The following ICA1L variants were observed in gnomAD, a reference collection of about 807,000 sequenced individuals.
ICA1L encodes the protein islet cell autoantigen 1 like, also known as islet cell autoantigen 1-like protein.
ICA1L carries 50 observed loss-of-function variants against 61.3 expected under a neutral mutation model. The ratio of observed to expected loss-of-function variants is 0.82; its 90% CI spans 0.65 to 1.03. The LOEUF is 1.03. ICA1L is among the 50% of genes least tolerant of loss of function. The pLI is 0.00. For synonymous variants in ICA1L, 161 were observed against 191.3 expected (o/e 0.84, Z 1.31); for missense variants, 508 against 556.7 (o/e 0.91, Z 0.88).
At chr2:202,782,394 GTTGT>G (rs1396404616) in intron 12 of ICA1L, among the ~76,000 whole-genome samples, 99 of 151,152 alleles carry the variant, frequency 6.5e-4, no homozygotes, top group African/African-American at 2.2e-3. Context: ...TTTTTTTGTT[GTTGT>G]TTGTTTTGTT....
intron 4 of ICA1L, 114 bp from the exon 5 acceptor site, chr2:202,820,013 AATT>A: frequency 1.3e-6 from 1 of 763,954 alleles, no homozygotes; most frequent in Non-Finnish European, 2.1e-6. Context: ...ACAAGTAAAA[AATT>A]ATTCAGTTCC....
At chr2:202,792,926 G>T (rs1482595908) in intron 10 of ICA1L, among the ~76,000 whole-genome samples, 1 of 152,168 alleles carries the variant, frequency 6.6e-6, no homozygotes, top group Non-Finnish European at 1.5e-5. Context: ...TCATTTATAT[G>T]GAATGTCCAG....
intron 1 of ICA1L, among the ~76,000 whole-genome samples, chr2:202,867,887 C>G (rs1000655777): frequency 1.4e-4 from 21 of 152,222 alleles, no homozygotes; most frequent in Admixed American, 6.5e-4. Context: ...AAAATATGCC[C>G]AAAGACCTGT....
chr2:202,777,080 T>G lies in ICA1L; in HGVS notation c.*2453A>C, dbSNP rs1298758552. On this transcript the variant is annotated 3_prime_UTR_variant, in exon 13 of 13. Coordinates refer to ENST00000358299, the MANE Select transcript of ICA1L (RefSeq NM_001288622.3). ...TTTTTTTTTTTTTTTTTTGAGAGAG[T>G]CGCTCTCTGTTGCCCAGGCTGGAGT... 2 of 114,670 alleles carry G rather than the reference T, an allele frequency of 1.7e-5. No homozygotes were observed. The highest frequency in any genetic ancestry group is 3.3e-5 in the Non-Finnish European group (2 of 60,316). The allele number at this position is 114,670 out of a possible 1,614,324, so 7.1% of individuals were successfully genotyped here.
chr2:202,837,458 T>C (rs1694186315), intron 1 of ICA1L, among the ~76,000 whole-genome samples: 1 of 151,480 alleles, frequency 6.6e-6, no homozygotes, highest in Admixed American at 6.6e-5. Context: ...TAATTTTTTG[T>C]ATTTTTAGTA....
chr2:202,841,304 C>G (rs1329035742), intron 1 of ICA1L: 2 of 753,476 alleles, frequency 2.7e-6, no homozygotes, highest in Non-Finnish European at 4.9e-6. Flanking sequence ...CCTCCAGCTT[C>G]AGCCTTTCCA....
chr2:202,825,876 A>T, intron 2 of ICA1L, 109 bp from the exon 3 acceptor site: 3 of 594,116 alleles, frequency 5.0e-6, no homozygotes, highest in Non-Finnish European at 7.8e-6. Flanking sequence ...CTGTTTTAAA[A>T]ACATTATGTC....
At chr2:202,798,693 TCTG>T (rs1356240615) in intron 9 of ICA1L, among the ~76,000 whole-genome samples, 1 of 64,968 alleles carries the variant, frequency 1.5e-5, no homozygotes, top group South Asian at 6.1e-4. Flanking sequence ...ATAACCGTAC[TCTG>T]CTATCAAACT....
chr2:202,810,782 C>G lies in ICA1L; in HGVS notation c.910+964G>C, dbSNP rs538537868. On this transcript the variant is annotated intron_variant, in intron 9 of 12. Coordinates refer to ENST00000358299, the MANE Select transcript of ICA1L (RefSeq NM_001288622.3). ...ACATCCCTGAGAAAGAGAATGTGTC[C>G]TTGAGGGTGGCCTCTAAAATGGCTG... Among the ~76,000 whole-genome samples, 12 of 152,280 alleles carry G rather than the reference C, an allele frequency of 7.9e-5. No individual in the cohort carries two copies. The South Asian group carries it at 1.2e-3, about 16-fold the overall frequency.
At chr2:202,827,307 C>T (rs1055944460) in intron 2 of ICA1L, among the ~76,000 whole-genome samples, 1 of 151,834 alleles carries the variant, frequency 6.6e-6, no homozygotes, top group Non-Finnish European at 1.5e-5. Flanking sequence ...GCAGGAGAAT[C>T]GCTTGAACCC....
chr2:202,871,279 C>T (rs564007962), intron 1 of ICA1L: 418 of 152,382 alleles, frequency 2.7e-3, no homozygotes, highest in Non-Finnish European at 4.4e-3. Flanking sequence ...CCCAGGCTGC[C>T]GCGCTCCTTC....
At chr2:202,790,257 A>G (rs987606598) in intron 10 of ICA1L, among the ~76,000 whole-genome samples, 2 of 152,230 alleles carry the variant, frequency 1.3e-5, no homozygotes, top group Non-Finnish European at 1.5e-5. Context: ...TTATCAATAA[A>G]AATGAAAGGG....
chr2:202,825,482 T>A (rs1574357206), intron 3 of ICA1L: 5 of 1,274,618 alleles, frequency 3.9e-6, no homozygotes, highest in South Asian at 4.0e-5. Flanking sequence ...AGAAAAAAAA[T>A]ATCAGCAAAA....
At chr2:202,841,113 A>T (rs1694317916) in intron 1 of ICA1L, 11 of 638,164 alleles carry the variant, frequency 1.7e-5, no homozygotes, top group Non-Finnish European at 2.9e-6. Context: ...CTGCCCGAGG[A>T]GGTTGATCTC....
chr2:202,825,449 GACA>G (rs1303616106), intron 3 of ICA1L: 1 of 1,005,962 alleles, frequency 9.9e-7, no homozygotes, highest in Non-Finnish European at 1.3e-6. Flanking sequence ...CAACCTGAGT[GACA>G]GAGAAAGACC....
chr2:202,856,479 C>G (rs1318434028), intron 1 of ICA1L, among the ~76,000 whole-genome samples: 2 of 152,122 alleles, frequency 1.3e-5, no homozygotes, highest in Non-Finnish European at 2.9e-5. Context: ...TGGAACATAT[C>G]TCAAAATAAT....
chr2:202,867,097 A>C (rs967515216), intron 1 of ICA1L, among the ~76,000 whole-genome samples: 5 of 152,212 alleles, frequency 3.3e-5, no homozygotes, highest in Admixed American at 6.5e-5. Context: ...GAAAAACACA[A>C]TTCAGAAAAT....
At chr2:202,801,903 C>CA (rs1693094556) in intron 9 of ICA1L, among the ~76,000 whole-genome samples, 1 of 152,106 alleles carries the variant, frequency 6.6e-6, no homozygotes, top group South Asian at 2.1e-4. Flanking sequence ...TTTTCTTTTG[C>CA]AAAAAATTAT....
At chr2:202,837,043 T>C (rs1379618446) in intron 1 of ICA1L, among the ~76,000 whole-genome samples, 2 of 151,978 alleles carry the variant, frequency 1.3e-5, no homozygotes, top group Non-Finnish European at 2.9e-5. Flanking sequence ...GGTTTCGCCA[T>C]GTTGGCCAGG....
Sources: gnomAD v4.1 joint callset for allele counts (sites outside exome capture counted in the v4.1 genomes callset) on GRCh38, gnomAD v4.1.1 for gene constraint, MANE v1.5 for transcripts, NCBI Gene and HGNC (gene_info 2026-07-23, HGNC 2026-07-21) for gene names.